The following KIAA1328 variants were observed in gnomAD, a reference collection of about 807,000 sequenced individuals.
KIAA1328 encodes the protein KIAA1328.
In KIAA1328, 52 loss-of-function variants were observed where a neutral mutation model predicts 68.1. The observed-to-expected ratio is 0.76, with a 90% CI of 0.61 to 0.96. KIAA1328 has a LOEUF of 0.96. KIAA1328 is among the 40% of genes least tolerant of loss of function. The pLI is 0.00. For missense variants in KIAA1328, 641 were observed against 677.6 expected, an observed-to-expected ratio of 0.95 and a Z score of 0.60; for synonymous variants, 232 against 239.4, an observed-to-expected ratio of 0.97 and a Z score of 0.28.
chr18:37,029,636 T>C (rs114212870), intron 6 of KIAA1328, among the ~76,000 whole-genome samples: 78 of 152,344 alleles, frequency 5.1e-4, no homozygotes, highest in African/African-American at 1.9e-3. Flanking sequence ...TTTTAGAGTA[T>C]GTACCAAGTG....
chr18:36,945,771 A>G (rs2050877332), intron 5 of KIAA1328, among the ~76,000 whole-genome samples: 1 of 152,166 alleles, frequency 6.6e-6, no homozygotes, highest in Non-Finnish European at 1.5e-5. Context: ...GATATAGAAG[A>G]TGAGTATCTT....
chr18:37,104,686 T>C (rs1286011882), intron 7 of KIAA1328, among the ~76,000 whole-genome samples: 1 of 152,230 alleles, frequency 6.6e-6, no homozygotes, highest in Non-Finnish European at 1.5e-5. Flanking sequence ...TTTGAGGTGA[T>C]TGATATCCTA....
chr18:36,883,755 A>G (rs1352297152), intron 4 of KIAA1328, among the ~76,000 whole-genome samples: 6 of 152,098 alleles, frequency 3.9e-5, no homozygotes, highest in Non-Finnish European at 8.8e-5. Context: ...CTACAGATTC[A>G]TCACTTTGTT....
chr18:37,083,307 T>C (rs1410567060), intron 7 of KIAA1328, among the ~76,000 whole-genome samples: 2 of 152,240 alleles, frequency 1.3e-5, no homozygotes, highest in African/African-American at 4.8e-5. Context: ...AATTAATCCA[T>C]GTACTTTGTA....
At chr18:37,120,382 A>C (rs2058238000) in intron 7 of KIAA1328, among the ~76,000 whole-genome samples, 1 of 152,148 alleles carries the variant, frequency 6.6e-6, no homozygotes, top group South Asian at 2.1e-4. Context: ...TCCTTGTAAA[A>C]TGATACACAG....
intron 6 of KIAA1328, among the ~76,000 whole-genome samples, chr18:37,003,019 G>A (rs1220270708): frequency 6.6e-6 from 1 of 152,024 alleles, no homozygotes; most frequent in Non-Finnish European, 1.5e-5. Flanking sequence ...ACAGAACCCA[G>A]ATAATAAGCC....
At chr18:37,218,649 G>A (rs2060495677) in intron 9 of KIAA1328, among the ~76,000 whole-genome samples, 1 of 152,176 alleles carries the variant, frequency 6.6e-6, no homozygotes, top group African/African-American at 2.4e-5. Context: ...TCCTGCCATG[G>A]TTTTCAGCTC....
At chr18:37,081,190 C>T (rs1170073058) in intron 7 of KIAA1328, among the ~76,000 whole-genome samples, 2 of 152,106 alleles carry the variant, frequency 1.3e-5, no homozygotes, top group Non-Finnish European at 2.9e-5. Flanking sequence ...CCATGTTGGC[C>T]AGGCTGGTCT....
intron 9 of KIAA1328, among the ~76,000 whole-genome samples, chr18:37,186,432 T>G (rs981838771): frequency 6.6e-6 from 1 of 151,432 alleles, no homozygotes; most frequent in Non-Finnish European, 1.5e-5. Flanking sequence ...CCAGGCATGG[T>G]AGTGTGCGCC....
chr18:37,216,312 T>C (rs1223845990), intron 9 of KIAA1328, among the ~76,000 whole-genome samples: 1 of 152,234 alleles, frequency 6.6e-6, no homozygotes, highest in African/African-American at 2.4e-5. Flanking sequence ...TACACACTGC[T>C]TTAAATATGT....
At chr18:37,142,151 G>T (rs984299184) in intron 7 of KIAA1328, among the ~76,000 whole-genome samples, 3 of 151,896 alleles carry the variant, frequency 2.0e-5, no homozygotes, top group African/African-American at 7.3e-5. Context: ...ACATTTTTGT[G>T]TGTAGTATGA....
At chr18:37,179,879 A>ACAAAG (rs2059665602) in intron 9 of KIAA1328, among the ~76,000 whole-genome samples, 1 of 152,120 alleles carries the variant, frequency 6.6e-6, no homozygotes, top group South Asian at 2.1e-4. Context: ...GTTATAAACC[A>ACAAAG]AGGCTTTAGC....
At chr18:37,105,065 A>C (rs1011885519) in intron 7 of KIAA1328, among the ~76,000 whole-genome samples, 9 of 152,234 alleles carry the variant, frequency 5.9e-5, no homozygotes, top group African/African-American at 2.2e-4. Flanking sequence ...TTGCTCGGGC[A>C]AAAAGAGAAA....
chr18:37,025,564 G>C (rs546250534), intron 6 of KIAA1328, among the ~76,000 whole-genome samples: 3 of 152,158 alleles, frequency 2.0e-5, no homozygotes, highest in Non-Finnish European at 4.4e-5. Flanking sequence ...TCAGGATTAA[G>C]AAACTCACTC....
chr18:36,949,611 C>A (rs2051071764), intron 5 of KIAA1328, among the ~76,000 whole-genome samples: 1 of 113,690 alleles, frequency 8.8e-6, no homozygotes, highest in Non-Finnish European at 1.8e-5. Flanking sequence ...CCCCCCCCAC[C>A]CCCCGATCTT....
intron 5 of KIAA1328, among the ~76,000 whole-genome samples, chr18:36,955,093 A>C (rs1334560601): frequency 6.6e-6 from 1 of 151,190 alleles, no homozygotes; most frequent in Non-Finnish European, 1.5e-5. Flanking sequence ...TCAGTGCTCA[A>C]ATTTTCCCAA....
intron 5 of KIAA1328, among the ~76,000 whole-genome samples, chr18:36,948,018 C>A (rs907060043): frequency 1.3e-5 from 2 of 152,092 alleles, no homozygotes. Flanking sequence ...TTGACCTCCC[C>A]TTCCCATCAT....
chr18:36,893,032 C>G (rs1474520475), intron 5 of KIAA1328, among the ~76,000 whole-genome samples: 1 of 151,904 alleles, frequency 6.6e-6, no homozygotes, highest in Non-Finnish European at 1.5e-5. Flanking sequence ...GCACATGTAC[C>G]CCTGAATCTA....
chr18:36,888,408 A>C (rs1235391360), intron 5 of KIAA1328, among the ~76,000 whole-genome samples: 1 of 152,226 alleles, frequency 6.6e-6, no homozygotes, highest in Non-Finnish European at 1.5e-5. Flanking sequence ...ATATGTGAGT[A>C]AAGTCAAAGA....
Sources: gnomAD v4.1 joint callset for allele counts (sites outside exome capture counted in the v4.1 genomes callset) on GRCh38, gnomAD v4.1.1 for gene constraint, MANE v1.5 for transcripts, NCBI Gene and HGNC (gene_info 2026-07-23, HGNC 2026-07-21) for gene names.